HS6ST3: variants seen among roughly 807,000 people sequenced by gnomAD.
HS6ST3 encodes heparan-sulfate 6-O-sulfotransferase 3.
A neutral mutation model predicts 36.7 loss-of-function variants in HS6ST3; 12 were observed. The observed-to-expected ratio is 0.33, with a 90% CI of 0.21 to 0.53. The LOEUF (loss-of-function observed/expected upper bound fraction) is 0.53. Among genes scored for constraint, HS6ST3 ranks in the 20% least tolerant of loss-of-function variants. HS6ST3 has a pLI of 0.95. For synonymous variants in HS6ST3, 240 were observed against 257.5 expected (o/e 0.93, Z 0.65); for missense variants, 584 against 640.9 (o/e 0.91, Z 0.96).
chr13:96,113,754 A>G lies in HS6ST3; in HGVS notation c.707+22185A>G, dbSNP rs149602591. On this transcript the variant is annotated intron_variant, in intron 1 of 1. Coordinates refer to ENST00000376705, the MANE Select transcript of HS6ST3 (RefSeq NM_153456.4). ...CTGCCCATGGATGTTTGTACCAGGAATCTCACCTCTGGAAATTTATCCTAA... is the reference window on the plus strand; with the variant it reads ...CTGCCCATGGATGTTTGTACCAGGAGTCTCACCTCTGGAAATTTATCCTAA... Among the ~76,000 whole-genome samples, 83 of 152,304 alleles carry G rather than the reference A, an allele frequency of 5.4e-4. No individual in the cohort carries two copies. In the East Asian group the frequency reaches 0.015, roughly 28 times the overall value.
At chr13:96,688,862 G>C (rs1035202526) in intron 1 of HS6ST3, among the ~76,000 whole-genome samples, 1 of 151,954 alleles carries the variant, frequency 6.6e-6, no homozygotes, top group Admixed American at 6.6e-5. Flanking sequence ...TTCTCTCTCT[G>C]AGCATCCTCC....
chr13:96,746,988 A>T (rs879944985), intron 1 of HS6ST3, among the ~76,000 whole-genome samples: 2 of 152,106 alleles, frequency 1.3e-5, no homozygotes, highest in Non-Finnish European at 2.9e-5. Flanking sequence ...ATATTTTTCA[A>T]AAAGCTTTGC....
intron 1 of HS6ST3, among the ~76,000 whole-genome samples, chr13:96,457,485 A>G (rs1272748335): frequency 2.6e-5 from 4 of 152,170 alleles, no homozygotes; most frequent in Non-Finnish European, 4.4e-5. Flanking sequence ...TCAGAAACAG[A>G]AAATCATCCA....
intron 1 of HS6ST3, among the ~76,000 whole-genome samples, chr13:96,239,533 A>G (rs2054550393): frequency 6.6e-6 from 1 of 152,218 alleles, no homozygotes; most frequent in African/African-American, 2.4e-5. Flanking sequence ...AGCAAATACA[A>G]TGCTTTTTGC....
chr13:96,405,044 C>G (rs982865695), intron 1 of HS6ST3, among the ~76,000 whole-genome samples: 2 of 152,130 alleles, frequency 1.3e-5, no homozygotes, highest in African/African-American at 4.8e-5. Flanking sequence ...CTCCTTGCCT[C>G]CCACCATGAT....
chr13:96,315,665 A>G (rs2054965206), intron 1 of HS6ST3, among the ~76,000 whole-genome samples: 1 of 136,914 alleles, frequency 7.3e-6, no homozygotes, highest in Non-Finnish European at 1.5e-5. Context: ...ACCCAATATA[A>G]CAAATAAAAA....
chr13:96,141,191 C>G (rs1187846135), intron 1 of HS6ST3, among the ~76,000 whole-genome samples: 3 of 152,170 alleles, frequency 2.0e-5, no homozygotes, highest in African/African-American at 7.2e-5. Flanking sequence ...ATTTACAAAG[C>G]TGCTAAGCTC....
At chr13:96,785,434 A>G (rs1035607555) in intron 1 of HS6ST3, among the ~76,000 whole-genome samples, 3 of 152,224 alleles carry the variant, frequency 2.0e-5, no homozygotes, top group Non-Finnish European at 4.4e-5. Flanking sequence ...AAACTGAACT[A>G]TGTGAAATTG....
At chr13:96,133,328 A>G (rs1022013214) in intron 1 of HS6ST3, among the ~76,000 whole-genome samples, 2 of 152,040 alleles carry the variant, frequency 1.3e-5, no homozygotes, top group Non-Finnish European at 2.9e-5. Flanking sequence ...GAGTTTTACT[A>G]TGTTGGCCAG....
chr13:96,176,626 A>G (rs1296771304), intron 1 of HS6ST3, among the ~76,000 whole-genome samples: 2 of 152,204 alleles, frequency 1.3e-5, no homozygotes, highest in Non-Finnish European at 2.9e-5. Flanking sequence ...AGTGGAATGT[A>G]TTGTGACATC....
chr13:96,234,947 T>C (rs2054527278), intron 1 of HS6ST3, among the ~76,000 whole-genome samples: 1 of 152,208 alleles, frequency 6.6e-6, no homozygotes, highest in Admixed American at 6.5e-5. Context: ...AGATAATATC[T>C]AAAGATATCT....
intron 1 of HS6ST3, among the ~76,000 whole-genome samples, chr13:96,628,033 A>C (rs1465788070): frequency 6.6e-6 from 1 of 151,626 alleles, no homozygotes; most frequent in Admixed American, 6.6e-5. Context: ...CTCTTTGTGA[A>C]TGTGTTTATT....
chr13:96,227,926 G>A (rs2054488849), intron 1 of HS6ST3, among the ~76,000 whole-genome samples: 1 of 152,058 alleles, frequency 6.6e-6, no homozygotes, highest in African/African-American at 2.4e-5. Context: ...TTCCAAGAGA[G>A]GACTTGTAAT....
At chr13:96,722,821 A>G (rs1436619832) in intron 1 of HS6ST3, among the ~76,000 whole-genome samples, 1 of 152,144 alleles carries the variant, frequency 6.6e-6, no homozygotes, top group Non-Finnish European at 1.5e-5. Flanking sequence ...TACAAAAAAT[A>G]CAAAAATTAG....
intron 1 of HS6ST3, among the ~76,000 whole-genome samples, chr13:96,439,107 CCGCTA>C (rs2055657417): frequency 6.6e-6 from 1 of 151,940 alleles, no homozygotes; most frequent in East Asian, 1.9e-4. Context: ...TTATATGTGG[CCGCTA>C]GAGATCATCT....
chr13:96,276,650 G>GA, intron 1 of HS6ST3, among the ~76,000 whole-genome samples: 1 of 152,276 alleles, frequency 6.6e-6, no homozygotes, highest in East Asian at 1.9e-4. Context: ...GATTTCTGTT[G>GA]AAATATAAGC....
chr13:96,778,671 C>T (rs1389338148), intron 1 of HS6ST3, among the ~76,000 whole-genome samples: 1 of 152,158 alleles, frequency 6.6e-6, no homozygotes, highest in Admixed American at 6.6e-5. Context: ...CAGGAAACAA[C>T]AGACGGCGGA....
intron 1 of HS6ST3, among the ~76,000 whole-genome samples, chr13:96,110,219 A>G (rs2053861389): frequency 6.6e-6 from 1 of 152,080 alleles, no homozygotes; most frequent in African/African-American, 2.4e-5. Context: ...GAGCAGGCAC[A>G]TCACATGGCA....
At position 96,836,946 on chromosome 13, in the gene HS6ST3, G is replaced by T; in HGVS notation, c.*3748G>T. The T allele has an allele frequency of 6.6e-6, 1 of 152,290 alleles. No individual in the cohort carries two copies. Among genetic ancestry groups the T allele is most frequent in the Non-Finnish European group, 1.5e-5 (1 of 68,040 alleles). The allele number at this position is 152,290 out of a possible 1,614,324, so 9.4% of individuals were successfully genotyped here. A position where few individuals can be genotyped will look rare whatever the true frequency, so the allele number is the denominator to read the frequency against. On this transcript the variant is annotated 3_prime_UTR_variant, in exon 2 of 2. Transcript: ENST00000376705. ...GACCAAGATGGCTGCCACAGCTCCT[G>T]CCATCACATTTACATTTAAGATAGT...
Sources: allele counts gnomAD v4.1 joint callset (sites outside exome capture counted in the v4.1 genomes callset), GRCh38; gene constraint gnomAD v4.1.1; transcripts MANE v1.5; gene names NCBI Gene and HGNC (gene_info 2026-07-23, HGNC 2026-07-21).